Variants in MTHFD2 observed in about 807,000 individuals in gnomAD.
MTHFD2 encodes the protein bifunctional methylenetetrahydrofolate dehydrogenase/cyclohydrolase, mitochondrial.
MTHFD2 carries 26 observed loss-of-function variants against 36.8 expected under a neutral mutation model. The observed-to-expected ratio is 0.71, with a 90% confidence interval of 0.52 to 0.98. The LOEUF is 0.98. Among genes scored for constraint, MTHFD2 ranks in the 50% least tolerant of loss-of-function variants. The pLI is 0.00. For synonymous variants in MTHFD2, 164 were observed against 155.2 expected (o/e 1.06, Z -0.42); for missense variants, 373 against 434.0 (o/e 0.86, Z 1.25).
chr2:74,202,965 A>C (rs1399173920), intron 1 of MTHFD2, among the ~76,000 whole-genome samples: 1 of 152,144 alleles, frequency 6.6e-6, no homozygotes, highest in Non-Finnish European at 1.5e-5. Flanking sequence ...TATTATATAA[A>C]ATCAGGGTAA....
At chr2:74,200,205 TTC>T (rs141735728) in intron 1 of MTHFD2, among the ~76,000 whole-genome samples, 2,703 of 152,304 alleles carry the variant, frequency 0.018, 43 homozygotes, top group Non-Finnish European at 0.029. Context: ...CTTCTCCCTC[TTC>T]CTGAGTGCTG....
chr2:74,211,636 C>A, intron 6 of MTHFD2, 105 bp from the exon 7 acceptor site: 1 of 1,103,402 alleles, frequency 9.1e-7, no homozygotes, highest in Non-Finnish European at 1.2e-6. Flanking sequence ...TTTAATAAAA[C>A]ATGTTGATTA....
intron 1 of MTHFD2, 23 bp downstream of exon 1, chr2:74,198,765 T>A (rs765602908): frequency 2.5e-6 from 4 of 1,584,678 alleles, no homozygotes; most frequent in Non-Finnish European, 1.7e-6. Flanking sequence ...CAGAGCTCGG[T>A]CAGCGCGGAA....
Position 74,208,645 on chromosome 2 carries a change from A to G in MTHFD2, c.486A>G (p.Val162=), listed in dbSNP as rs376369511. The G allele has an allele frequency of 4.1e-4, 656 of 1,614,074 alleles. No homozygotes were observed. Among genetic ancestry groups the G allele is most frequent in the Non-Finnish European group, 5.3e-4 (629 of 1,180,022 alleles). The change falls in exon 4 of 8, where the codon GTA becomes GTG. Residue 162 remains valine, a synonymous_variant. Coordinates refer to ENST00000394053, the MANE Select transcript of MTHFD2 (RefSeq NM_006636.4). ...TTGATGGCTTTCATGTAATTAATGT[A>G]GGACGAATGTGTTTGGATCAGTATT... ...KDVDGFHVIN[V]GRMCLDQYSM...
At chr2:74,208,111 G>A (rs938364416) in intron 3 of MTHFD2, among the ~76,000 whole-genome samples, 2 of 152,096 alleles carry the variant, frequency 1.3e-5, no homozygotes, top group African/African-American at 2.4e-5. Flanking sequence ...GTCTGTCTGT[G>A]TTGCCTGGGC....
At chr2:74,213,594 C>T (rs1191258363) in intron 7 of MTHFD2, among the ~76,000 whole-genome samples, 1 of 152,162 alleles carries the variant, frequency 6.6e-6, no homozygotes, top group Non-Finnish European at 1.5e-5. Flanking sequence ...CCGGCCTATG[C>T]TGATAATCCT....
chr2:74,207,038 A>AT (rs959418457), intron 2 of MTHFD2, among the ~76,000 whole-genome samples: 1 of 152,042 alleles, frequency 6.6e-6, no homozygotes, highest in Non-Finnish European at 1.5e-5. Context: ...AAGCCATGGC[A>AT]TTTTAAGACA....
At chr2:74,205,345 G>C (rs1572985438) in intron 1 of MTHFD2, among the ~76,000 whole-genome samples, 1 of 152,150 alleles carries the variant, frequency 6.6e-6, no homozygotes, top group South Asian at 2.1e-4. Flanking sequence ...ACTTAGTAAT[G>C]ATCAGGGCGC....
intron 7 of MTHFD2, 68 bp downstream of exon 7, chr2:74,211,934 A>C: frequency 2.5e-6 from 2 of 806,910 alleles, no homozygotes; most frequent in South Asian, 2.0e-5. Context: ...CATTTAGGAT[A>C]GATTATTTAC....
chr2:74,213,635 T>G (rs562683973), intron 7 of MTHFD2, among the ~76,000 whole-genome samples: 35 of 152,302 alleles, frequency 2.3e-4, no homozygotes, highest in Admixed American at 2.2e-3. Flanking sequence ...ATTAAAGCAG[T>G]CAAACCCATG....
chr2:74,201,034 C>T (rs931998471), intron 1 of MTHFD2, among the ~76,000 whole-genome samples: 1 of 152,200 alleles, frequency 6.6e-6, no homozygotes, highest in Admixed American at 6.5e-5. Flanking sequence ...GTTGCCCAGG[C>T]TGGAGTGCAA....
rs1367201428 is a variant in MTHFD2, at chr2:74,207,819, T to G, written c.402T>G (p.Pro134=). 3 of 1,581,330 alleles carry G rather than the reference T, an allele frequency of 1.9e-6. No individual in the cohort carries two copies. In the East Asian group the frequency reaches 6.8e-5, roughly 36 times the overall value. Residue 134 remains proline (P), a synonymous_variant, in exon 3 of 8, where the codon CCT becomes CCG. Transcript: ENST00000394053. The part of the protein sequence containing the change: ...DNVDGLLVQL[P]LPEHIDERRI... ...TAGATGGCCTCCTTGTTCAGTTGCC[T>G]CTTCCAGGTGAGTTTTGGACTCCAT...
At chr2:74,204,578 T>G (rs1694135104) in intron 1 of MTHFD2, among the ~76,000 whole-genome samples, 1 of 152,234 alleles carries the variant, frequency 6.6e-6, no homozygotes. Flanking sequence ...TCTGTTGAGC[T>G]AAGCTTTTGC....
At chr2:74,203,602 T>TG in intron 1 of MTHFD2, among the ~76,000 whole-genome samples, 1 of 152,160 alleles carries the variant, frequency 6.6e-6, no homozygotes, top group East Asian at 1.9e-4. Context: ...TGCTCCAGCC[T>TG]GGGCAACAGA....
At chr2:74,209,918 A>G (rs1284959650) in intron 4 of MTHFD2, 24 bp from the exon 5 acceptor site, 11 of 1,590,980 alleles carry the variant, frequency 6.9e-6, no homozygotes, top group Non-Finnish European at 7.7e-6. Flanking sequence ...ACTACTTTTA[A>G]TGTCAATACA....
At chr2:74,198,880 G>C in intron 1 of MTHFD2, 138 bp downstream of exon 1, 1 of 779,206 alleles carries the variant, frequency 1.3e-6, no homozygotes, top group Non-Finnish European at 1.9e-6. Flanking sequence ...GCTGAGGGGT[G>C]TGGCGGGGCG....
chr2:74,206,116 G>C, intron 2 of MTHFD2: 1 of 409,486 alleles, frequency 2.4e-6, no homozygotes. Context: ...CTTCTGGAAA[G>C]AATATAAGCT....
Position 74,210,052 on chromosome 2 carries a change from A to G in MTHFD2, c.670+3A>G, listed in dbSNP as rs756327442. ...TGGGGCGCATGAACGTCCCGGAGGTAAGGAAATTGCTTTCAGGGAACACTG... is the reference window on the plus strand; with the variant it reads ...TGGGGCGCATGAACGTCCCGGAGGTGAGGAAATTGCTTTCAGGGAACACTG... On this transcript the variant is annotated splice_donor_region_variant and intron_variant, in intron 5 of 7. Transcript: ENST00000394053. 4 of 1,609,566 alleles carry G rather than the reference A, an allele frequency of 2.5e-6. No individual in the cohort carries two copies. Among genetic ancestry groups the G allele is most frequent in the Non-Finnish European group, 2.5e-6 (3 of 1,177,750 alleles).
In MTHFD2 at chr2:74,199,946, C is replaced by G. The variant is rs1366074407; in HGVS notation, c.101+1204C>G. Among the ~76,000 whole-genome samples the G allele has an allele frequency of 2.6e-5, 4 of 152,106 alleles. No individual in the cohort carries two copies. In the East Asian group the frequency reaches 7.7e-4, roughly 29 times the overall value. On this transcript the variant is annotated intron_variant, in intron 1 of 7. Transcript: ENST00000394053. The stretch of plus-strand genomic sequence containing the variant: ...TTTTCATCTAACGTTCACTGTGTAC[C>G]AGACACTATGCCAAGCTGTGCGAAT...
Sources: allele counts gnomAD v4.1 joint callset (sites outside exome capture counted in the v4.1 genomes callset), GRCh38; gene constraint gnomAD v4.1.1; transcripts MANE v1.5; gene names NCBI Gene and HGNC (gene_info 2026-07-23, HGNC 2026-07-21).